SLC39A14: variants seen among roughly 807,000 people sequenced by gnomAD.
SLC39A14 encodes metal cation symporter ZIP14.
A neutral mutation model predicts 45.5 loss-of-function variants in SLC39A14; 19 were observed. The observed-to-expected ratio is 0.42, with a 90% confidence interval of 0.29 to 0.61. The LOEUF is 0.61. SLC39A14 is among the 20% of genes least tolerant of loss of function. The pLI is 0.22. For synonymous variants in SLC39A14, 264 were observed against 251.3 expected (o/e 1.05, Z -0.48); for missense variants, 447 against 616.5 (o/e 0.73, Z 2.91).
intron 1 of SLC39A14, among the ~76,000 whole-genome samples, chr8:22,377,745 A>G (rs1563484217): frequency 6.6e-6 from 1 of 152,158 alleles, no homozygotes. Context: ...CATGTGGACT[A>G]TAGATTATTT....
intron 1 of SLC39A14, among the ~76,000 whole-genome samples, chr8:22,401,622 A>G (rs755090231): frequency 7.7e-6 from 1 of 129,288 alleles, no homozygotes; most frequent in Non-Finnish European, 1.5e-5. Context: ...ATCTCGGCTC[A>G]CTGCAAGCTC....
At chr8:22,372,064 CAT>C (rs1832970634) in intron 1 of SLC39A14, among the ~76,000 whole-genome samples, 1 of 152,026 alleles carries the variant, frequency 6.6e-6, no homozygotes, top group Non-Finnish European at 1.5e-5. Flanking sequence ...ATCTTTAAAA[CAT>C]GTATGTATTT....
At chr8:22,370,807 G>A (rs541441765) in intron 1 of SLC39A14, among the ~76,000 whole-genome samples, 21 of 152,278 alleles carry the variant, frequency 1.4e-4, no homozygotes, top group Middle Eastern at 3.4e-3. Context: ...AGTGAGCAGG[G>A]AAGGGACCTG....
intron 1 of SLC39A14, among the ~76,000 whole-genome samples, chr8:22,391,547 A>G (rs1484213268): frequency 6.6e-6 from 1 of 151,794 alleles, no homozygotes; most frequent in Non-Finnish European, 1.5e-5. Flanking sequence ...ATGTCCTTGG[A>G]AAGTGGTTCT....
At chr8:22,401,425 A>G (rs1245014106) in intron 1 of SLC39A14, among the ~76,000 whole-genome samples, 2 of 152,208 alleles carry the variant, frequency 1.3e-5, no homozygotes, top group Non-Finnish European at 2.9e-5. Context: ...TAGATCACTA[A>G]TTAAATTATA....
At chr8:22,427,558 C>T (rs972817663), downstream of SLC39A14, among the ~76,000 whole-genome samples, 49 of 151,386 alleles carry the variant, frequency 3.2e-4, no homozygotes, top group African/African-American at 1.1e-3. Flanking sequence ...CCAGAATAGG[C>T]GATTCTTTCA....
intron 1 of SLC39A14, among the ~76,000 whole-genome samples, chr8:22,394,961 A>C (rs1036589503): frequency 6.6e-5 from 10 of 151,258 alleles, no homozygotes; most frequent in Non-Finnish European, 1.2e-4. Flanking sequence ...AGGCAGTTTG[A>C]ATTTTTTCCC....
chr8:22,400,579 G>A (rs985084226), intron 1 of SLC39A14, among the ~76,000 whole-genome samples: 8 of 152,234 alleles, frequency 5.3e-5, no homozygotes, highest in African/African-American at 4.8e-5. Flanking sequence ...TCTTGGTGGA[G>A]ATTTGAGAGT....
rs545264481 is a variant in SLC39A14, at chr8:22,419,899, C to T, written c.*201C>T. 3 of 1,292,076 alleles carry T rather than the reference C, an allele frequency of 2.3e-6. No homozygotes were observed. Among genetic ancestry groups the T allele is most frequent in the Non-Finnish European group, 2.9e-6 (3 of 1,021,346 alleles). The allele number at this position is 1,292,076 out of a possible 1,614,324, so 80.0% of individuals were successfully genotyped here. A position where few individuals can be genotyped will look rare whatever the true frequency, so the allele number is the denominator to read the frequency against. ...AGCTGCCCTGGTAACCAGTCTCTAG[C>T]TAGTGCCTCTTGCCCTCTCCTCACC... is the stretch of plus-strand genomic sequence containing the variant. On this transcript the variant is annotated 3_prime_UTR_variant, in exon 9 of 9. Transcript: ENST00000381237.
At chr8:22,392,379 C>A (rs530558971) in intron 1 of SLC39A14, among the ~76,000 whole-genome samples, 1 of 152,234 alleles carries the variant, frequency 6.6e-6, no homozygotes, top group South Asian at 2.1e-4. Context: ...CAAAGTTGAA[C>A]CCAGGGCGTG....
At chr8:22,431,365 C>T (rs1364390801) in intron 8 of SLC39A14, among the ~76,000 whole-genome samples, 1 of 152,144 alleles carries the variant, frequency 6.6e-6, no homozygotes. Context: ...TTTAGAAATG[C>T]TCATTTTACT....
At chr8:22,376,159 T>TC (rs1833202638) in intron 1 of SLC39A14, among the ~76,000 whole-genome samples, 2 of 152,108 alleles carry the variant, frequency 1.3e-5, no homozygotes, top group Admixed American at 6.5e-5. Flanking sequence ...GTATTCATCA[T>TC]GTCACAGTTT....
intron 1 of SLC39A14, 46 bp from the exon 2 acceptor site, chr8:22,404,650 G>GCA: frequency 1.1e-5 from 18 of 1,568,844 alleles, no homozygotes; most frequent in Non-Finnish European, 1.6e-5. Flanking sequence ...GCAGTTGCCG[G>GCA]CACACAGGGA....
In SLC39A14 at chr8:22,382,998, G is replaced by A. The variant is rs1020889100; in HGVS notation, c.-16+15590G>A. On this transcript the variant is annotated intron_variant, in intron 1 of 8. Coordinates refer to ENST00000381237, the MANE Select transcript of SLC39A14 (RefSeq NM_001128431.4). The stretch of plus-strand genomic sequence containing the variant: ...CTCCCAAAGTGTTGGGATTACAGGC[G>A]TGAGTCACCGCGGCCGGTGGCGGTG... 9.2e-5 allele frequency among the ~76,000 whole-genome samples: 14 copies of A among 152,090 alleles called. No individual in the cohort carries two copies. In the South Asian group the frequency reaches 1.5e-3, roughly 16 times the overall value.
Position 22,417,719 on chromosome 8 carries a change from G to A in SLC39A14, c.1216G>A (p.Ala406Thr). Reference sequence around the variant, plus strand: ...AGCTCTCTTCTTCAACTTCCTTTCTGCCTGCTGCTGCTACCTGGGTCTGGC... The same window carrying A: ...AGCTCTCTTCTTCAACTTCCTTTCTACCTGCTGCTGCTACCTGGGTCTGGC... Reference protein sequence around the residue: ...QQALFFNFLSACCCYLGLAFG... With the variant: ...QQALFFNFLSTCCCYLGLAFG... The change falls in exon 8 of 9, where the codon GCC becomes ACC. Residue 406 changes from alanine (A) to threonine (T), a missense_variant. Around this residue, in one of 2 missense-constraint regions of SLC39A14, gnomAD observed 105 missense variants for 188.4 expected, o/e 0.56. Coordinates refer to ENST00000381237, the MANE Select transcript of SLC39A14 (RefSeq NM_001128431.4). 6.2e-7 allele frequency: 1 copy of A among 1,614,070 alleles called. No individual in the cohort carries two copies. The highest frequency in any genetic ancestry group is 8.5e-7 in the Non-Finnish European group (1 of 1,180,002).
rs1188295813 is a variant in SLC39A14, at chr8:22,419,659, G to C, written c.1440G>C (p.Val480=). 1 of 1,613,948 alleles carries C rather than the reference G, an allele frequency of 6.2e-7. No individual in the cohort carries two copies. Among genetic ancestry groups the C allele is most frequent in the East Asian group, 2.2e-5 (1 of 44,886 alleles). ...LGLLTGFTIM[V]VLTMYSGQIQ... The stretch of plus-strand genomic sequence containing the variant: ...TCCTGACTGGATTCACCATCATGGT[G>C]GTCCTCACCATGTATTCAGGACAGA... The change falls in exon 9 of 9, where the codon GTG becomes GTC. Residue 480 remains valine, a synonymous_variant. Coordinates refer to ENST00000381237, the MANE Select transcript of SLC39A14 (RefSeq NM_001128431.4).
intron 7 of SLC39A14, 63 bp from the exon 8 acceptor site, chr8:22,417,588 A>G (rs1835962395): frequency 7.1e-7 from 1 of 1,399,498 alleles, no homozygotes; most frequent in East Asian, 2.3e-5. Context: ...ACAGGTGTGC[A>G]TTCACCATGC....
At chr8:22,398,523 G>T (rs1171416824) in intron 1 of SLC39A14, among the ~76,000 whole-genome samples, 3 of 151,708 alleles carry the variant, frequency 2.0e-5, no homozygotes, top group Non-Finnish European at 4.4e-5. Context: ...GAGTTCCCTG[G>T]CCAGCAGAGT....
chr8:22,375,385 C>T (rs1833159601), intron 1 of SLC39A14, among the ~76,000 whole-genome samples: 1 of 151,778 alleles, frequency 6.6e-6, no homozygotes, highest in Non-Finnish European at 1.5e-5. Flanking sequence ...TATTTCCTTA[C>T]AGTTGTTTTT....
Sources: allele counts gnomAD v4.1 joint callset (sites outside exome capture counted in the v4.1 genomes callset), GRCh38; gene constraint gnomAD v4.1.1; regional missense constraint gnomAD v4.1.1; transcripts MANE v1.5; gene names NCBI Gene and HGNC (gene_info 2026-07-23, HGNC 2026-07-21).